Variants in SLC35F3 observed in about 807,000 individuals in gnomAD.
SLC35F3 encodes the protein putative thiamine transporter SLC35F3.
Under a neutral mutation model 49.9 loss-of-function variants are expected in SLC35F3, and 25 were observed. The ratio of observed to expected loss-of-function variants is 0.50; its 90% CI spans 0.37 to 0.70. The LOEUF (loss-of-function observed/expected upper bound fraction) is 0.70. Ranked by LOEUF, SLC35F3 falls within the 30% of genes least tolerant of loss-of-function variation. SLC35F3 has a pLI of 0.00. For missense variants in SLC35F3, 525 were observed against 639.8 expected (o/e 0.82, Z 1.94); for synonymous variants, 275 against 265.4 (o/e 1.04, Z -0.35).
chr1:234,074,619 C>T (rs565333196), intron 2 of SLC35F3, among the ~76,000 whole-genome samples: 12 of 152,156 alleles, frequency 7.9e-5, no homozygotes, highest in East Asian at 3.9e-4. Context: ...GGAGCTCAAG[C>T]GGAATTTTAA....
chr1:234,199,193 A>G (rs1378197783), intron 2 of SLC35F3, among the ~76,000 whole-genome samples: 1 of 152,002 alleles, frequency 6.6e-6, no homozygotes, highest in African/African-American at 2.4e-5. Flanking sequence ...GCACCACCAC[A>G]CTCCAGCCTG....
At position 234,231,445 on chromosome 1, in the gene SLC35F3, C is replaced by T. The variant is rs1216384608; in HGVS notation, c.312C>T (p.Gly104=). Residue 104 remains glycine (G), a synonymous_variant, in exon 3 of 8, where the codon GGC becomes GGT. Coordinates refer to ENST00000366618, the MANE Select transcript of SLC35F3 (RefSeq NM_173508.4). This position sits in a 1 kb window ranked among gnomAD's most constrained non-coding sequence, Gnocchi z 5.4. The stretch of plus-strand genomic sequence containing the variant: ...AGGAGCGCCCCCGGGACTCCCCGGG[C>T]CCGGCGGAGGCCCAGGCACCGGCCG... ...KREERPRDSP[G]PAEAQAPAGV... 2 of 1,601,190 alleles carry T rather than the reference C, an allele frequency of 1.2e-6. No individual in the cohort carries two copies. Among genetic ancestry groups the T allele is most frequent in the South Asian group, 1.1e-5 (1 of 89,428 alleles).
intron 2 of SLC35F3, among the ~76,000 whole-genome samples, chr1:234,089,173 C>T (rs1665005612): frequency 6.6e-6 from 1 of 152,190 alleles, no homozygotes; most frequent in African/African-American, 2.4e-5. Context: ...CACACTTTTC[C>T]ACCGAGCATA....
chr1:234,102,880 T>C (rs566059209), intron 2 of SLC35F3, among the ~76,000 whole-genome samples: 2 of 152,278 alleles, frequency 1.3e-5, no homozygotes, highest in Admixed American at 1.3e-4. Context: ...ATTATCCACT[T>C]GTAACGAAAT....
chr1:234,247,624 T>TTGGTTGGCTGGTCCATTGTTTGGGGGGC, intron 3 of SLC35F3, among the ~76,000 whole-genome samples: 2 of 152,110 alleles, frequency 1.3e-5, no homozygotes, highest in Non-Finnish European at 2.9e-5. Flanking sequence ...GTTCAGTAGG[T>TTGGTTGGCTGGTCCATTGTTTGGGGGGC]TGGTTGGCTG....
In SLC35F3 at chr1:233,957,731, C is replaced by T. The variant is rs535267998; in HGVS notation, c.283+51973C>T. Among the ~76,000 whole-genome samples the T allele has an allele frequency of 6.6e-6, 1 of 152,200 alleles. No individual in the cohort carries two copies. Among genetic ancestry groups the T allele is most frequent in the African/African-American group, 2.4e-5 (1 of 41,536 alleles). On this transcript the variant is annotated intron_variant, in intron 2 of 7. Transcript: ENST00000366618. The surrounding 1 kb of genome is among the most constrained non-coding windows in gnomAD (Gnocchi z 4.0). ...TTGGGAGGCTGAGGCAGGAGAATCA[C>T]TTGAACCCAAGAGGATGAGGTTGCA...
At chr1:233,941,451 C>T (rs1392767745) in intron 2 of SLC35F3, among the ~76,000 whole-genome samples, 2 of 152,146 alleles carry the variant, frequency 1.3e-5, no homozygotes, top group Admixed American at 6.5e-5. Context: ...TTAGAACAAA[C>T]ACAGTTAGAG....
chr1:234,129,862 TG>T (rs1044470330), intron 2 of SLC35F3, among the ~76,000 whole-genome samples: 6 of 152,046 alleles, frequency 3.9e-5, no homozygotes, highest in African/African-American at 1.2e-4. Flanking sequence ...AATATCCATA[TG>T]GGGGGGAACT....
chr1:234,218,918 G>A (rs144356600), intron 2 of SLC35F3, among the ~76,000 whole-genome samples: 8,671 of 151,926 alleles, frequency 0.057, 288 homozygotes, highest in Middle Eastern at 0.11. Flanking sequence ...ACATGGTGGC[G>A]TGCACCTGCA....
At chr1:234,085,792 G>A (rs1664951342) in intron 2 of SLC35F3, among the ~76,000 whole-genome samples, 1 of 152,160 alleles carries the variant, frequency 6.6e-6, no homozygotes, top group South Asian at 2.1e-4. Context: ...GTTTGTCTGT[G>A]TGTGATATGG....
At chr1:234,041,759 C>T (rs778582311) in intron 2 of SLC35F3, among the ~76,000 whole-genome samples, 3 of 152,168 alleles carry the variant, frequency 2.0e-5, no homozygotes, top group Non-Finnish European at 4.4e-5. Context: ...GTGATTTTTA[C>T]GGAGGCACAG....
chr1:234,095,427 C>T (rs1448075361), intron 2 of SLC35F3, among the ~76,000 whole-genome samples: 3 of 151,560 alleles, frequency 2.0e-5, no homozygotes, highest in African/African-American at 7.3e-5. Context: ...AAAGAACAAG[C>T]ATGAAAGGGA....
chr1:234,187,960 G>A (rs917744615), intron 2 of SLC35F3, among the ~76,000 whole-genome samples: 3 of 152,214 alleles, frequency 2.0e-5, no homozygotes, highest in Admixed American at 2.0e-4. Context: ...TGAAAGGCCA[G>A]GCGCGGTTTC....
intron 3 of SLC35F3, among the ~76,000 whole-genome samples, chr1:234,287,590 C>T (rs562146051): frequency 2.0e-5 from 3 of 152,292 alleles, no homozygotes; most frequent in South Asian, 4.1e-4. Context: ...TTCATTCACC[C>T]GACAACCATA....
At chr1:234,067,417 T>TGAGCAAGG (rs1213915812) in intron 2 of SLC35F3, among the ~76,000 whole-genome samples, 1 of 152,208 alleles carries the variant, frequency 6.6e-6, no homozygotes, top group African/African-American at 2.4e-5. Context: ...CCGTGGTCTC[T>TGAGCAAGG]GAGCAAGGGT....
At chr1:234,094,319 G>A (rs540806276) in intron 2 of SLC35F3, among the ~76,000 whole-genome samples, 8 of 152,332 alleles carry the variant, frequency 5.3e-5, no homozygotes, top group East Asian at 1.9e-4. Context: ...GAATCCAACC[G>A]GAACTAGTAG....
chr1:234,210,749 G>A (rs538562087), intron 2 of SLC35F3, among the ~76,000 whole-genome samples: 2 of 152,360 alleles, frequency 1.3e-5, no homozygotes, highest in Middle Eastern at 3.4e-3. Flanking sequence ...TGTGCAGCCT[G>A]ATGCAATAGA....
At chr1:234,089,677 C>T (rs1665011932) in intron 2 of SLC35F3, among the ~76,000 whole-genome samples, 1 of 152,086 alleles carries the variant, frequency 6.6e-6, no homozygotes, top group Admixed American at 6.5e-5. Flanking sequence ...GAAGTTTCCA[C>T]CTCATAGAAG....
intron 3 of SLC35F3, among the ~76,000 whole-genome samples, chr1:234,255,337 A>G (rs753655231): frequency 5.3e-5 from 8 of 152,238 alleles, no homozygotes; most frequent in Non-Finnish European, 1.0e-4. Context: ...CAAGATCTAG[A>G]ACACTGACAA....
Sources: allele counts gnomAD v4.1 joint callset (sites outside exome capture counted in the v4.1 genomes callset), GRCh38; gene constraint gnomAD v4.1.1; non-coding constraint Gnocchi (gnomAD v3.1); transcripts MANE v1.5; gene names NCBI Gene and HGNC (gene_info 2026-07-23, HGNC 2026-07-21).